Variants in PRKCA observed in about 807,000 individuals in gnomAD.
The protein encoded by PRKCA is protein kinase C alpha type.
Under a neutral mutation model 87.0 loss-of-function variants are expected in PRKCA, and 27 were observed. The observed-to-expected ratio is 0.31, with a 90% CI of 0.23 to 0.43. The LOEUF (loss-of-function observed/expected upper bound fraction) is 0.43. Among genes scored for constraint, PRKCA ranks in the 20% least tolerant of loss-of-function variants. PRKCA has a pLI of 1.00. For synonymous variants in PRKCA, 329 were observed against 311.1 expected, an observed-to-expected ratio of 1.06 and a Z score of -0.61; for missense variants, 518 against 852.3, an observed-to-expected ratio of 0.61 and a Z score of 4.88.
intron 16 of PRKCA, among the ~76,000 whole-genome samples, chr17:66,793,170 AT>A (rs1049326177): frequency 3.3e-5 from 5 of 152,214 alleles, no homozygotes; most frequent in African/African-American, 1.2e-4. Context: ...AATGTGAAGC[AT>A]CCTCTGCTCC....
At chr17:66,732,126 A>C (rs1973915224) in intron 8 of PRKCA, among the ~76,000 whole-genome samples, 1 of 139,668 alleles carries the variant, frequency 7.2e-6, no homozygotes, top group Non-Finnish European at 1.6e-5. Context: ...AGAAAAAAAA[A>C]ATCAAAAAAA....
intron 3 of PRKCA, among the ~76,000 whole-genome samples, chr17:66,524,746 G>T (rs987035387): frequency 6.6e-6 from 1 of 152,152 alleles, no homozygotes; most frequent in South Asian, 2.1e-4. Context: ...GGCCTGGAAG[G>T]TACGCTTGCC....
chr17:66,587,815 A>G (rs1969655894), intron 3 of PRKCA, among the ~76,000 whole-genome samples: 1 of 126,374 alleles, frequency 7.9e-6, no homozygotes, highest in Non-Finnish European at 1.7e-5. Flanking sequence ...GTGTGTGTAT[A>G]TGTATACATA....
chr17:66,559,195 G>A (rs1301468828), intron 3 of PRKCA, among the ~76,000 whole-genome samples: 2 of 152,002 alleles, frequency 1.3e-5, no homozygotes, highest in African/African-American at 2.4e-5. Flanking sequence ...CCTCCAGGCC[G>A]GGCACGGTGG....
intron 2 of PRKCA, among the ~76,000 whole-genome samples, chr17:66,453,538 G>A (rs1473395438): frequency 1.3e-5 from 2 of 151,940 alleles, no homozygotes; most frequent in African/African-American, 4.8e-5. Context: ...GGCTGGTCTC[G>A]AACTCCTGAC....
intron 5 of PRKCA, among the ~76,000 whole-genome samples, chr17:66,660,222 TC>T (rs1317925541): frequency 6.6e-6 from 1 of 151,890 alleles, no homozygotes; most frequent in Non-Finnish European, 1.5e-5. Context: ...TGTCTTCTGC[TC>T]CCCCCATCCA....
intron 3 of PRKCA, among the ~76,000 whole-genome samples, chr17:66,619,076 C>G (rs890479768): frequency 6.7e-6 from 1 of 149,854 alleles, no homozygotes; most frequent in African/African-American, 2.5e-5. Flanking sequence ...TAAAAAATCT[C>G]ATAGTCTTGG....
intron 3 of PRKCA, among the ~76,000 whole-genome samples, chr17:66,535,463 T>C (rs1967744555): frequency 1.3e-5 from 2 of 152,180 alleles, no homozygotes; most frequent in African/African-American, 4.8e-5. Context: ...TTTAACCTGC[T>C]CCATCTTGGA....
At chr17:66,777,278 G>T (rs1428202480) in intron 14 of PRKCA, 1 of 985,218 alleles carries the variant, frequency 1.0e-6, no homozygotes, top group East Asian at 1.1e-4. Context: ...TCTCCTTTAT[G>T]TGTCTTTCAT....
chr17:66,307,691 TA>T (rs2050323898), intron 2 of PRKCA, among the ~76,000 whole-genome samples: 1 of 152,164 alleles, frequency 6.6e-6, no homozygotes, highest in African/African-American at 2.4e-5. Flanking sequence ...TACTAGGCTC[TA>T]GGGGGTTTTG....
chr17:66,788,389 T>G (rs1975452091), intron 15 of PRKCA, among the ~76,000 whole-genome samples: 1 of 152,206 alleles, frequency 6.6e-6, no homozygotes, highest in South Asian at 2.1e-4. Context: ...AGTCTTTGAT[T>G]GATAACATTT....
rs187666466 is a variant in PRKCA, at chr17:66,745,413, G to T, written c.1524+2653G>T. ...AACTTTCTCTTGGCTGGGCACAGTGGCTCACTCCTACAATCCCAGTGCTTT... is the reference window on the plus strand; with the variant it reads ...AACTTTCTCTTGGCTGGGCACAGTGTCTCACTCCTACAATCCCAGTGCTTT... On this transcript the variant is annotated intron_variant, in intron 13 of 16. Transcript: ENST00000413366. Among the ~76,000 whole-genome samples, 152 of 152,316 alleles carry T rather than the reference G, an allele frequency of 1.0e-3. 1 individual carries two copies. The highest frequency in any genetic ancestry group is 3.6e-3 in the African/African-American group (149 of 41,570).
At chr17:66,668,018 G>A (rs1395029927) in intron 5 of PRKCA, among the ~76,000 whole-genome samples, 3 of 152,174 alleles carry the variant, frequency 2.0e-5, no homozygotes, top group East Asian at 1.9e-4. Flanking sequence ...TAGCCCAGTG[G>A]TCAAGTGTTA....
chr17:66,574,425 GT>G (rs897714205), intron 3 of PRKCA, among the ~76,000 whole-genome samples: 11 of 152,108 alleles, frequency 7.2e-5, no homozygotes, highest in African/African-American at 2.7e-4. Context: ...GTCTCAGAGT[GT>G]TTTTATGAAG....
At chr17:66,476,373 T>C (rs115441362) in intron 2 of PRKCA, among the ~76,000 whole-genome samples, 79 of 152,318 alleles carry the variant, frequency 5.2e-4, no homozygotes, top group African/African-American at 1.9e-3. Context: ...TGCACAGCAC[T>C]TCCTGCCACT....
At chr17:66,550,924 T>C (rs16959604) in intron 3 of PRKCA, among the ~76,000 whole-genome samples, 25,934 of 152,218 alleles carry the variant, frequency 0.17, 2,340 homozygotes, top group African/African-American at 0.24. Flanking sequence ...ATAGCTCTTA[T>C]TAAACGGCTT....
At chr17:66,564,763 C>T (rs1344178765) in intron 3 of PRKCA, among the ~76,000 whole-genome samples, 2 of 151,996 alleles carry the variant, frequency 1.3e-5, no homozygotes, top group Admixed American at 6.6e-5. Context: ...GGGTGGATCA[C>T]GAGGTCGGGA....
At chr17:66,332,400 G>A (rs4627396) in intron 2 of PRKCA, among the ~76,000 whole-genome samples, 15,596 of 151,762 alleles carry the variant, frequency 0.1, 860 homozygotes, top group South Asian at 0.25. Context: ...GCTAATTTTT[G>A]TATTTTTAGT....
intron 3 of PRKCA, among the ~76,000 whole-genome samples, chr17:66,512,539 G>A (rs1382230938): frequency 4.6e-5 from 7 of 151,370 alleles, no homozygotes; most frequent in Non-Finnish European, 1.0e-4. Flanking sequence ...ATTGTGATCT[G>A]GCTCCTGCAC....
Sources: allele counts gnomAD v4.1 joint callset (sites outside exome capture counted in the v4.1 genomes callset), GRCh38; gene constraint gnomAD v4.1.1; transcripts MANE v1.5; gene names NCBI Gene and HGNC (gene_info 2026-07-23, HGNC 2026-07-21).